Variants in DOCK1 observed in about 807,000 individuals in gnomAD.
The protein encoded by DOCK1 is dedicator of cytokinesis protein 1.
DOCK1 carries 138 observed loss-of-function variants against 262.7 expected under a neutral mutation model. That is an observed-to-expected ratio of 0.53 (90% CI 0.46 to 0.61). The LOEUF (loss-of-function observed/expected upper bound fraction) is 0.61. Ranked by LOEUF, DOCK1 falls within the 20% of genes least tolerant of loss-of-function variation. The probability of loss-of-function intolerance (pLI) is 0.00; values close to 1 mark genes in which losing one functional copy is unlikely to be tolerated. For synonymous variants in DOCK1, 866 were observed against 867.4 expected, an observed-to-expected ratio of 1.00 and a Z score of 0.03; for missense variants, 1,908 against 2,370.7, an observed-to-expected ratio of 0.80 and a Z score of 4.05.
intron 27 of DOCK1, among the ~76,000 whole-genome samples, chr10:127,246,729 A>G (rs1206959299): frequency 6.6e-6 from 1 of 152,228 alleles, no homozygotes; most frequent in Non-Finnish European, 1.5e-5. Flanking sequence ...CTATAGGTAT[A>G]AAATGGATTG....
At chr10:127,349,141 C>T (rs923068062) in intron 31 of DOCK1, among the ~76,000 whole-genome samples, 11 of 152,006 alleles carry the variant, frequency 7.2e-5, no homozygotes, top group African/African-American at 2.7e-4. Flanking sequence ...AAATGCCTCA[C>T]CCCAGCCATG....
At chr10:127,057,728 C>T (rs1429444053) in intron 22 of DOCK1, among the ~76,000 whole-genome samples, 1 of 152,134 alleles carries the variant, frequency 6.6e-6, no homozygotes, top group East Asian at 1.9e-4. Context: ...CTAGTTATTG[C>T]CTGCCTTCTC....
At chr10:127,234,469 G>A (rs567958876) in intron 27 of DOCK1, among the ~76,000 whole-genome samples, 11 of 152,234 alleles carry the variant, frequency 7.2e-5, no homozygotes, top group East Asian at 1.9e-4. Context: ...TTAAAGATCC[G>A]TATGATGAAA....
chr10:127,223,756 G>A (rs530213246), intron 27 of DOCK1, among the ~76,000 whole-genome samples: 2 of 152,130 alleles, frequency 1.3e-5, no homozygotes, highest in African/African-American at 4.8e-5. Context: ...CTGTTTGTTC[G>A]TATAAAGAAG....
chr10:127,364,906 T>A (rs2064816441), intron 33 of DOCK1, among the ~76,000 whole-genome samples: 1 of 152,160 alleles, frequency 6.6e-6, no homozygotes. Flanking sequence ...TCCCTGTATT[T>A]ATTTTTAATA....
chr10:127,409,652 G>C (rs1461727615), intron 42 of DOCK1, among the ~76,000 whole-genome samples: 1 of 152,128 alleles, frequency 6.6e-6, no homozygotes, highest in African/African-American at 2.4e-5. Context: ...AACCTAAGAG[G>C]GCAGTGGAGG....
intron 29 of DOCK1, among the ~76,000 whole-genome samples, chr10:127,259,768 T>G (rs1049047852): frequency 6.7e-6 from 1 of 150,008 alleles, no homozygotes; most frequent in Non-Finnish European, 1.5e-5. Context: ...GAGGGAATAG[T>G]CAAAATCTAC....
intron 33 of DOCK1, among the ~76,000 whole-genome samples, chr10:127,364,370 T>G (rs910023135): frequency 1.3e-5 from 2 of 152,176 alleles, no homozygotes; most frequent in African/African-American, 2.4e-5. Context: ...TTTTTTAATT[T>G]TTTTTTTATT....
chr10:127,328,636 GAGGGATGGC>G (rs1250502897), intron 29 of DOCK1, among the ~76,000 whole-genome samples: 8 of 152,264 alleles, frequency 5.3e-5, no homozygotes, highest in South Asian at 2.1e-4. Context: ...GCAGGGACGA[GAGGGATGGC>G]AGGGATGGCA....
At chr10:127,425,746 T>G in intron 46 of DOCK1, 128 bp from the exon 47 acceptor site, 1 of 1,387,254 alleles carries the variant, frequency 7.2e-7, no homozygotes, top group South Asian at 1.4e-5. Context: ...TGCTGGTAAA[T>G]TGAATCAGCT....
intron 23 of DOCK1, among the ~76,000 whole-genome samples, chr10:127,068,167 GATTTGAAATGA>G (rs2045984956): frequency 6.6e-6 from 1 of 152,148 alleles, no homozygotes; most frequent in South Asian, 2.1e-4. Flanking sequence ...ATAATTTCCT[GATTTGAAATGA>G]ACTGTATTTT....
chr10:127,402,566 A>C, intron 38 of DOCK1: 1 of 482,674 alleles, frequency 2.1e-6, no homozygotes, highest in Non-Finnish European at 4.2e-6. Flanking sequence ...TTTAGAGTCG[A>C]AGTCTGCCCT....
chr10:127,093,192 TC>T (rs2047648949), intron 23 of DOCK1, among the ~76,000 whole-genome samples: 2 of 150,750 alleles, frequency 1.3e-5, no homozygotes, highest in Admixed American at 1.3e-4. Context: ...TGAATCTCCC[TC>T]TCCTTTTTCT....
At chr10:127,194,671 C>G (rs1464723260) in intron 27 of DOCK1, among the ~76,000 whole-genome samples, 1 of 152,162 alleles carries the variant, frequency 6.6e-6, no homozygotes, top group African/African-American at 2.4e-5. Flanking sequence ...GACAGTCCCC[C>G]CACTGAGATA....
intron 1 of DOCK1, among the ~76,000 whole-genome samples, chr10:126,911,047 T>G (rs2031686976): frequency 6.6e-6 from 1 of 152,236 alleles, no homozygotes; most frequent in Non-Finnish European, 1.5e-5. Flanking sequence ...GTCTTCATTT[T>G]CTGGGATAAA....
At chr10:127,017,024 A>ACAT (rs1591665934) in intron 12 of DOCK1, among the ~76,000 whole-genome samples, 13 of 56,510 alleles carry the variant, frequency 2.3e-4, no homozygotes, top group Admixed American at 3.7e-4. Context: ...ACAGATATGC[A>ACAT]GATACAGATA....
intron 27 of DOCK1, among the ~76,000 whole-genome samples, chr10:127,191,080 C>T (rs2056722103): frequency 6.6e-6 from 1 of 152,132 alleles, no homozygotes; most frequent in African/African-American, 2.4e-5. Flanking sequence ...CTCACTCTTC[C>T]CATACAAGTC....
intron 27 of DOCK1, among the ~76,000 whole-genome samples, chr10:127,160,887 G>C (rs193182281): frequency 9.2e-5 from 14 of 152,294 alleles, no homozygotes; most frequent in African/African-American, 3.1e-4. Flanking sequence ...TGCACTAGCT[G>C]TCTCTTCTCG....
At chr10:127,240,788 C>G (rs2059238382) in intron 27 of DOCK1, among the ~76,000 whole-genome samples, 1 of 151,998 alleles carries the variant, frequency 6.6e-6, no homozygotes. Context: ...GTGAGAAAAT[C>G]AAAGCAACAA....
Sources: allele counts gnomAD v4.1 joint callset (sites outside exome capture counted in the v4.1 genomes callset), GRCh38; gene constraint gnomAD v4.1.1; transcripts MANE v1.5; gene names NCBI Gene and HGNC (gene_info 2026-07-23, HGNC 2026-07-21).